Variants in CWH43 observed in about 807,000 individuals in gnomAD.
The protein encoded by CWH43 is PGAP2-interacting protein.
A neutral mutation model predicts 85.7 loss-of-function variants in CWH43; 91 were observed. The ratio of observed to expected loss-of-function variants is 1.06; its 90% CI spans 0.90 to 1.26. CWH43 has a LOEUF of 1.26. Among genes scored for constraint, CWH43 ranks in the 50% most tolerant of loss-of-function variants. The probability of loss-of-function intolerance (pLI) is 0.00; values close to 1 mark genes in which losing one functional copy is unlikely to be tolerated. For synonymous variants in CWH43, 323 were observed against 293.6 expected, an observed-to-expected ratio of 1.10 and a Z score of -1.02; for missense variants, 869 against 839.2, an observed-to-expected ratio of 1.04 and a Z score of -0.44.
At chr4:49,000,885 A>G (rs1782968347) in intron 6 of CWH43, among the ~76,000 whole-genome samples, 2 of 152,220 alleles carry the variant, frequency 1.3e-5, no homozygotes. Flanking sequence ...TGCTTGCAGT[A>G]GAAGAAAGCA....
intron 14 of CWH43, among the ~76,000 whole-genome samples, chr4:49,046,862 G>A (rs1301840587): frequency 6.6e-6 from 1 of 152,158 alleles, no homozygotes; most frequent in Non-Finnish European, 1.5e-5. Context: ...GAGGGAACAT[G>A]CTGGAGACCT....
At chr4:49,041,099 C>G (rs1463675000) in intron 13 of CWH43, among the ~76,000 whole-genome samples, 2 of 152,120 alleles carry the variant, frequency 1.3e-5, no homozygotes, top group African/African-American at 2.4e-5. Context: ...TTCCATTGAT[C>G]TATATCTCTG....
chr4:49,039,060 A>G (rs1156586285), intron 13 of CWH43, among the ~76,000 whole-genome samples: 4 of 130,988 alleles, frequency 3.1e-5, no homozygotes, highest in Non-Finnish European at 3.3e-5. Flanking sequence ...TCTGTCTCAA[A>G]AAAATATATA....
chr4:49,007,484 A>T (rs1020272615), intron 8 of CWH43, among the ~76,000 whole-genome samples, 158 bp downstream of exon 8: 5 of 152,078 alleles, frequency 3.3e-5, no homozygotes, highest in African/African-American at 9.7e-5. Context: ...TAGTTTTTTT[A>T]AAAAATTATA....
intron 8 of CWH43, among the ~76,000 whole-genome samples, chr4:49,008,855 C>G (rs998174906): frequency 6.6e-6 from 1 of 152,082 alleles, no homozygotes; most frequent in African/African-American, 2.4e-5. Context: ...GGTATGAGTA[C>G]CATGCTGTTT....
rs371638609 is a variant in CWH43, at chr4:49,004,271, C to T, written c.1060+279C>T. Among the ~76,000 whole-genome samples, 3 of 152,268 alleles carry T rather than the reference C, an allele frequency of 2.0e-5. No homozygotes were observed. In the South Asian group the frequency reaches 6.2e-4, roughly 32 times the overall value. On this transcript the variant is annotated intron_variant, in intron 7 of 15. Coordinates refer to ENST00000226432, the MANE Select transcript of CWH43 (RefSeq NM_025087.3). ...TGAAAAGATTCAGTCCATACTAAAGCGTAAACAATGTAACACTTGTGTTAT... is the reference window on the plus strand; with the variant it reads ...TGAAAAGATTCAGTCCATACTAAAGTGTAAACAATGTAACACTTGTGTTAT...
chr4:48,998,435 T>A, intron 5 of CWH43, 25 bp from the exon 6 acceptor site: 1 of 1,524,858 alleles, frequency 6.6e-7, no homozygotes, highest in Non-Finnish European at 9.1e-7. Context: ...ATGTCACATG[T>A]CTTAGAGCAT....
chr4:48,988,522 A>G lies in CWH43; in HGVS notation c.89A>G (p.Tyr30Cys), dbSNP rs1231612117. 6.2e-7 allele frequency: 1 copy of G among 1,611,790 alleles called. No homozygotes were observed. The highest frequency in any genetic ancestry group is 1.7e-5 in the Admixed American group (1 of 59,694). Residue 30 changes from tyrosine to cysteine, a missense_variant, in exon 2 of 16, where the codon TAT (tyrosine) becomes TGT (cysteine). Coordinates refer to ENST00000226432, the MANE Select transcript of CWH43 (RefSeq NM_025087.3). ...TACCATGACCTGGGACCGATGATCT[A>G]TTACTTTCCTTTGCAAACACTAGAA... is the stretch of plus-strand genomic sequence containing the variant. Reference protein sequence around the residue: ...SLYHDLGPMIYYFPLQTLELT... With the variant: ...SLYHDLGPMICYFPLQTLELT...
At chr4:49,029,993 A>C (rs939641292) in intron 10 of CWH43, among the ~76,000 whole-genome samples, 2 of 152,130 alleles carry the variant, frequency 1.3e-5, no homozygotes. Flanking sequence ...CCCTGGGCCC[A>C]CTGTTCTTTC....
intron 15 of CWH43, among the ~76,000 whole-genome samples, chr4:49,061,467 T>C (rs1358615953): frequency 1.3e-5 from 2 of 152,224 alleles, no homozygotes; most frequent in Non-Finnish European, 2.9e-5. Context: ...TCTGCCAAAA[T>C]AGATTTTTAT....
rs145501408 is a variant in CWH43 at position 49,007,066 on chromosome 4, G to C, written c.1061-135G>C. 3.6e-4 allele frequency: 356 copies of C among 991,028 alleles called. 2 individuals carry two copies. The East Asian group carries it at 9.7e-3, about 27-fold the overall frequency. 61.4% of individuals were successfully genotyped at this position (991,028 alleles called of 1,614,324 possible). Reference sequence around the variant, plus strand: ...AAAGCACTACTAGAGTAATTGTTTAGGTTCTGAGATAAATTAAATCAGTAC... The same window carrying C: ...AAAGCACTACTAGAGTAATTGTTTACGTTCTGAGATAAATTAAATCAGTAC... On this transcript the variant is annotated intron_variant, in intron 7 of 15. Coordinates refer to ENST00000226432, the MANE Select transcript of CWH43 (RefSeq NM_025087.3).
rs751042379 is a variant in CWH43, at chr4:49,061,767, GT to G, written c.2022-40del. The G allele has an allele frequency of 6.2e-4, 777 of 1,260,530 alleles. 3 individuals are homozygous for G. Among genetic ancestry groups the G allele is most frequent in the Non-Finnish European group, 7.6e-4 (733 of 958,204 alleles). 78.1% of individuals were successfully genotyped at this position (1,260,530 alleles called of 1,614,324 possible). On this transcript the variant is annotated intron_variant, in intron 15 of 15. Coordinates refer to ENST00000226432, the MANE Select transcript of CWH43 (RefSeq NM_025087.3). The stretch of plus-strand genomic sequence containing the variant: ...ACATAAGAACATACCTTTCTGAATG[GT>G]TTTTACATGCCAATAACTTTTTATT...
chr4:49,032,353 A>C (rs765608931), intron 11 of CWH43, among the ~76,000 whole-genome samples: 2 of 152,152 alleles, frequency 1.3e-5, no homozygotes, highest in Admixed American at 1.3e-4. Flanking sequence ...AACAGAGTTG[A>C]TGGTGTTTCC....
chr4:49,003,523 T>C (rs960826592), intron 6 of CWH43: 1 of 523,236 alleles, frequency 1.9e-6, no homozygotes, highest in South Asian at 3.4e-5. Flanking sequence ...AACTGAGATT[T>C]ACTAGATCCA....
intron 9 of CWH43, among the ~76,000 whole-genome samples, chr4:49,018,761 C>A (rs116314101): frequency 6.6e-6 from 1 of 152,046 alleles, no homozygotes; most frequent in South Asian, 2.1e-4. Flanking sequence ...TCTGTACTAG[C>A]GGGAACATTT....
chr4:49,017,202 A>G (rs376240074), intron 8 of CWH43, 47 bp from the exon 9 acceptor site: 1 of 1,489,844 alleles, frequency 6.7e-7, no homozygotes, highest in African/African-American at 1.4e-5. Flanking sequence ...AATTTATTTT[A>G]TTTTATTTAT....
At chr4:48,995,751 T>G (rs2109748785) in intron 5 of CWH43, among the ~76,000 whole-genome samples, 1 of 152,340 alleles carries the variant, frequency 6.6e-6, no homozygotes, top group South Asian at 2.1e-4. Context: ...TTTCTCCAAC[T>G]CAGTTCTATG....
Position 48,988,572 on chromosome 4 carries a change from A to G in CWH43, c.139A>G (p.Ile47Val), listed in dbSNP as rs1427207092. 3 of 1,613,132 alleles carry G rather than the reference A, an allele frequency of 1.9e-6. No individual in the cohort carries two copies. Among genetic ancestry groups the G allele is most frequent in the Non-Finnish European group, 2.5e-6 (3 of 1,179,306 alleles). ...LELTGLEGFS[I>V]AFLSPIFLTI... ...ACTCACTGGGCTTGAAGGTTTTAGT[A>G]TAGCATTTCTTTCTCCAATATTCCT... Residue 47 changes from isoleucine to valine, a missense_variant, in exon 2 of 16, where the codon ATA (isoleucine) becomes GTA (valine). Ile to Val is a conservative substitution (Grantham distance 29, BLOSUM62 3). Transcript: ENST00000226432.
chr4:49,017,016 T>C (rs1783569417), intron 8 of CWH43: 2 of 768,216 alleles, frequency 2.6e-6, no homozygotes, highest in East Asian at 2.5e-5. Context: ...GAAGTCGATA[T>C]AGGCAGTTGG....
Sources: allele counts gnomAD v4.1 joint callset (sites outside exome capture counted in the v4.1 genomes callset), GRCh38; gene constraint gnomAD v4.1.1; transcripts MANE v1.5; gene names NCBI Gene and HGNC (gene_info 2026-07-23, HGNC 2026-07-21).